Variants in CNTNAP2 observed in about 807,000 individuals in gnomAD.
CNTNAP2 encodes the protein contactin associated protein 2.
In CNTNAP2, 98 loss-of-function variants were observed where a neutral mutation model predicts 155.2. The ratio of observed to expected loss-of-function variants is 0.63; its 90% CI spans 0.54 to 0.75. CNTNAP2 has a LOEUF of 0.75. CNTNAP2 is among the 30% of genes least tolerant of loss of function. The probability of loss-of-function intolerance (pLI) is 0.00; values close to 1 mark genes in which losing one functional copy is unlikely to be tolerated. For missense variants in CNTNAP2, 1,727 were observed against 1,688.1 expected (o/e 1.02, Z -0.40); for synonymous variants, 651 against 631.2 (o/e 1.03, Z -0.47).
intron 21 of CNTNAP2, among the ~76,000 whole-genome samples, chr7:148,300,231 G>A (rs934140547): frequency 2.6e-5 from 4 of 152,132 alleles, no homozygotes; most frequent in Non-Finnish European, 2.9e-5. Flanking sequence ...TTCATGATAG[G>A]CCCTTTACCA....
chr7:148,349,882 G>C (rs547721388), intron 21 of CNTNAP2, among the ~76,000 whole-genome samples: 5 of 152,338 alleles, frequency 3.3e-5, no homozygotes, highest in African/African-American at 1.2e-4. Flanking sequence ...AATGAATGGG[G>C]AGGAGAAAAG....
chr7:146,550,222 A>T (rs1408317198), intron 1 of CNTNAP2, among the ~76,000 whole-genome samples: 1 of 151,770 alleles, frequency 6.6e-6, no homozygotes, highest in Non-Finnish European at 1.5e-5. Flanking sequence ...GCCCCCATGT[A>T]CCTAAGGGTC....
At chr7:146,391,533 A>G (rs894809778) in intron 1 of CNTNAP2, among the ~76,000 whole-genome samples, 10 of 152,146 alleles carry the variant, frequency 6.6e-5, no homozygotes, top group African/African-American at 2.4e-4. Context: ...AGTCAAATAT[A>G]TTTTTAAGGA....
At chr7:146,331,027 G>A (rs904642461) in intron 1 of CNTNAP2, among the ~76,000 whole-genome samples, 5 of 152,070 alleles carry the variant, frequency 3.3e-5, no homozygotes, top group Admixed American at 6.5e-5. Flanking sequence ...TATCATGGCC[G>A]GGCGCGGTGG....
At chr7:146,973,040 CT>C (rs780484964) in intron 3 of CNTNAP2, among the ~76,000 whole-genome samples, 4 of 152,072 alleles carry the variant, frequency 2.6e-5, no homozygotes, top group Admixed American at 2.6e-4. Flanking sequence ...CTCTCTCTCT[CT>C]TTTTTAAAGG....
At chr7:146,772,982 G>A (rs1175525494) in intron 1 of CNTNAP2, among the ~76,000 whole-genome samples, 2 of 152,124 alleles carry the variant, frequency 1.3e-5, no homozygotes, top group Admixed American at 6.5e-5. Flanking sequence ...AGTGATCTCT[G>A]GAAGCTGTAT....
At chr7:147,377,850 T>C (rs936180068) in intron 9 of CNTNAP2, among the ~76,000 whole-genome samples, 1 of 151,938 alleles carries the variant, frequency 6.6e-6, no homozygotes, top group African/African-American at 2.4e-5. Context: ...TTATGTTCCG[T>C]GGTAATGTGC....
At chr7:148,109,462 G>A (rs774914925) in intron 15 of CNTNAP2, among the ~76,000 whole-genome samples, 7 of 152,146 alleles carry the variant, frequency 4.6e-5, no homozygotes, top group South Asian at 4.1e-4. Context: ...TCGGCTCACC[G>A]CAACCTCCGC....
At chr7:146,558,277 G>A (rs1798226423) in intron 1 of CNTNAP2, among the ~76,000 whole-genome samples, 1 of 152,058 alleles carries the variant, frequency 6.6e-6, no homozygotes, top group Admixed American at 6.5e-5. Context: ...AAGTCCACAT[G>A]TTTTATGTCA....
Position 148,244,341 on chromosome 7 carries a change from T to C in CNTNAP2, c.3381+14562T>C, listed in dbSNP as rs565484137. 5.3e-5 allele frequency among the ~76,000 whole-genome samples: 8 copies of C among 152,304 alleles called. No individual in the cohort carries two copies. The South Asian group carries it at 1.7e-3, about 32-fold the overall frequency. On this transcript the variant is annotated intron_variant, in intron 20 of 23. Transcript: ENST00000361727. ...TTAGGTCACAAATTAACTCTGGCCA[T>C]ATTTATAAAAACAATATTGATTGTG...
rs1795234139 is a variant in CNTNAP2 at position 147,639,118 on chromosome 7, G to T, written c.1910G>T (p.Trp637Leu). The T allele has an allele frequency of 6.2e-7, 1 of 1,613,914 alleles. No individual in the cohort carries two copies. Among genetic ancestry groups the T allele is most frequent in the Admixed American group, 1.7e-5 (1 of 59,990 alleles). The change falls in exon 13 of 24, where the codon TGG becomes TTG. Residue 637 changes from tryptophan (W) to leucine (L), a missense_variant. Trp to Leu is a moderately conservative substitution (Grantham distance 61, BLOSUM62 -2). Transcript: ENST00000361727. The stretch of plus-strand genomic sequence containing the variant: ...TTTCTCCCCACAGAGGACAAAGTGT[G>T]GACCATAGTGTCTCATGACTTGCAG... The part of the protein sequence containing the change: ...VYCNMTEDKV[W>L]TIVSHDLQMQ...
chr7:146,131,436 G>A (rs10256834), intron 1 of CNTNAP2, among the ~76,000 whole-genome samples: 2 of 152,012 alleles, frequency 1.3e-5, no homozygotes, highest in East Asian at 1.9e-4. Context: ...TTATTAGAGA[G>A]GTATGCATTT....
intron 15 of CNTNAP2, among the ~76,000 whole-genome samples, chr7:148,116,852 T>C (rs1804485376): frequency 6.6e-6 from 1 of 152,238 alleles, no homozygotes; most frequent in African/African-American, 2.4e-5. Flanking sequence ...AGTTGATTCA[T>C]TGTGCCTTTT....
intron 1 of CNTNAP2, among the ~76,000 whole-genome samples, chr7:146,504,535 G>A (rs186189795): frequency 2.3e-3 from 357 of 152,326 alleles, no homozygotes; most frequent in Non-Finnish European, 4.1e-3. Context: ...AACATCATCT[G>A]TCAACAGAAG....
At chr7:147,294,844 G>C (rs1805399641) in intron 8 of CNTNAP2, among the ~76,000 whole-genome samples, 1 of 152,028 alleles carries the variant, frequency 6.6e-6, no homozygotes, top group South Asian at 2.1e-4. Context: ...ATTTTTAGTA[G>C]AGACTGGGTT....
At chr7:147,786,805 CA>C (rs1355826006) in intron 13 of CNTNAP2, among the ~76,000 whole-genome samples, 1 of 152,082 alleles carries the variant, frequency 6.6e-6, no homozygotes, top group African/African-American at 2.4e-5. Flanking sequence ...TCCATCTATA[CA>C]TAAAATTTAA....
intron 18 of CNTNAP2, among the ~76,000 whole-genome samples, chr7:148,211,209 C>T (rs755079935): frequency 6.6e-6 from 1 of 152,226 alleles, no homozygotes; most frequent in Admixed American, 6.5e-5. Flanking sequence ...CAGTTCTATG[C>T]CTCCTCTAGC....
intron 21 of CNTNAP2, among the ~76,000 whole-genome samples, chr7:148,348,491 G>A (rs770823696): frequency 2.0e-5 from 3 of 152,160 alleles, no homozygotes; most frequent in Admixed American, 6.5e-5. Context: ...ACATAAATAT[G>A]GAAAATATAG....
intron 4 of CNTNAP2, among the ~76,000 whole-genome samples, chr7:147,062,155 A>AAAAAAAAAAAAAAAAAAC (rs1799693933): frequency 7.2e-6 from 1 of 138,330 alleles, no homozygotes. Context: ...AAAAAAAAAA[A>AAAAAAAAAAAAAAAAAAC]AAAAAAAAAA....
Sources: allele counts gnomAD v4.1 joint callset (sites outside exome capture counted in the v4.1 genomes callset), GRCh38; gene constraint gnomAD v4.1.1; transcripts MANE v1.5; gene names NCBI Gene and HGNC (gene_info 2026-07-23, HGNC 2026-07-21).